Variants in GTPBP1 observed in about 807,000 individuals in gnomAD.
The protein encoded by GTPBP1 is GTP binding protein 1.
Under a neutral mutation model 62.0 loss-of-function variants are expected in GTPBP1, and 23 were observed. The observed-to-expected ratio is 0.37, with a 90% CI of 0.27 to 0.53. GTPBP1 has a LOEUF of 0.53. Ranked by LOEUF, GTPBP1 falls within the 20% of genes least tolerant of loss-of-function variation. The probability of loss-of-function intolerance (pLI) is 0.89; values close to 1 mark genes in which losing one functional copy is unlikely to be tolerated. For missense variants in GTPBP1, 640 were observed against 917.3 expected (o/e 0.70, Z 3.90); for synonymous variants, 344 against 364.4 (o/e 0.94, Z 0.64).
chr22:38,723,126 A>T, intron 5 of GTPBP1: 1 of 781,598 alleles, frequency 1.3e-6, no homozygotes, highest in South Asian at 1.4e-5. Context: ...ACAACTTCAC[A>T]GTTCACATCA....
chr22:38,735,011 C>T (rs775992156), downstream of GTPBP1: 9 of 297,178 alleles, frequency 3.0e-5, no homozygotes, highest in African/African-American at 9.0e-5. Flanking sequence ...CCCCTCTCCA[C>T]GGCCAGGAAC....
downstream of GTPBP1, chr22:38,741,595 AG>A: frequency 6.2e-7 from 1 of 1,609,920 alleles, no homozygotes; most frequent in Non-Finnish European, 8.5e-7. Flanking sequence ...GTGAGAGGAC[AG>A]GTTGGACAGA....
chr22:38,715,492 C>T (rs114756832), intron 2 of GTPBP1, among the ~76,000 whole-genome samples: 20 of 152,288 alleles, frequency 1.3e-4, no homozygotes, highest in African/African-American at 2.2e-4. Flanking sequence ...GAACTGTCCT[C>T]GGCTTCCCCA....
At chr22:38,734,165 G>T, downstream of GTPBP1, 1 of 335,158 alleles carries the variant, frequency 3.0e-6, no homozygotes, top group South Asian at 2.1e-5. Context: ...ATGAGGAGCA[G>T]CCCTGGGCCA....
chr22:38,722,723 C>G, intron 5 of GTPBP1: 2 of 1,601,632 alleles, frequency 1.2e-6, no homozygotes, highest in Non-Finnish European at 1.7e-6. Context: ...TGAGAAGGTG[C>G]AGATACACAT....
chr22:38,735,377 C>T (rs2145908848), downstream of GTPBP1: 1 of 376,968 alleles, frequency 2.7e-6, no homozygotes, highest in South Asian at 1.9e-5. Context: ...CACAAGAGCC[C>T]AGGAGTTCCA....
At chr22:38,706,194 G>A in intron 1 of GTPBP1, 47 bp downstream of exon 1, 2 of 1,167,952 alleles carry the variant, frequency 1.7e-6, no homozygotes, top group Non-Finnish European at 2.1e-6. Context: ...CGGGCGGCTG[G>A]CCGAGCAGTC....
chr22:38,710,569 A>G (rs1040302207), intron 2 of GTPBP1, among the ~76,000 whole-genome samples: 1 of 152,068 alleles, frequency 6.6e-6, no homozygotes, highest in Non-Finnish European at 1.5e-5. Context: ...AAAGGGAGAG[A>G]GTTGATTAGC....
In GTPBP1 at chr22:38,721,754, G is replaced by T; in HGVS notation, c.847G>T (p.Ala283Ser). ...DFCMLMVGSN[A>S]GIVGMTKEHL... is the part of the protein sequence containing the mutation. ...TGTGTTGGGGCAGGTGGGCAGCAAT[G>T]CTGGCATCGTGGGGATGACCAAAGA... The change falls in exon 5 of 12, where the codon GCT becomes TCT. Residue 283 changes from alanine to serine, a missense_variant. Around this residue, in one of 4 missense-constraint regions of GTPBP1, gnomAD observed 88 missense variants for 217.0 expected, o/e 0.41. Transcript: ENST00000216044. The T allele has an allele frequency of 1.2e-6, 2 of 1,612,132 alleles. No homozygotes were observed. The highest frequency in any genetic ancestry group is 4.5e-5 in the East Asian group (2 of 44,864).
rs964182742 is a variant in GTPBP1 at position 38,732,684 on chromosome 22, C to T, written c.*1980C>T. 3 of 152,284 alleles carry T rather than the reference C, an allele frequency of 2.0e-5. No homozygotes were observed. Among genetic ancestry groups the T allele is most frequent in the African/African-American group, 4.8e-5 (2 of 41,426 alleles). The allele number at this position is 152,284 out of a possible 1,614,324, so 9.4% of individuals were successfully genotyped here. The stretch of plus-strand genomic sequence containing the variant: ...CATTCCCAGCAGCCGCCCCTGAGGT[C>T]GATGTTTGTTCTGTTTTTCTTTTTC... On this transcript the variant is annotated 3_prime_UTR_variant, in exon 12 of 12. Transcript: ENST00000216044.
chr22:38,712,165 G>A (rs1053143588), intron 2 of GTPBP1, among the ~76,000 whole-genome samples: 3 of 152,126 alleles, frequency 2.0e-5, no homozygotes, highest in African/African-American at 4.8e-5. Flanking sequence ...GTGAGCCACC[G>A]TGCCCGGCCA....
downstream of GTPBP1, chr22:38,734,437 G>A (rs2092783564): frequency 5.5e-6 from 2 of 360,382 alleles, no homozygotes; most frequent in Non-Finnish European, 1.2e-5. Context: ...GTGGTACTGA[G>A]AGACAGGAAA....
downstream of GTPBP1, chr22:38,736,310 G>C: frequency 6.2e-7 from 1 of 1,614,052 alleles, no homozygotes; most frequent in South Asian, 1.1e-5. Flanking sequence ...GTAGATGCAG[G>C]TGTACTCGGG....
In GTPBP1 at chr22:38,722,937, T is replaced by C. The variant is rs551235382; in HGVS notation, c.958+1072T>C. On this transcript the variant is annotated intron_variant, in intron 5 of 11. Coordinates refer to ENST00000216044, the MANE Select transcript of GTPBP1 (RefSeq NM_004286.5). The stretch of plus-strand genomic sequence containing the variant: ...GACGCTCAAGTGCTTGATGACTCCA[T>C]TGGGGTCAGTTATGAAGAGACCTCT... 52 of 967,444 alleles carry C rather than the reference T, an allele frequency of 5.4e-5. No homozygotes were observed. The Middle Eastern group carries it at 8.3e-4, about 15-fold the overall frequency. The allele number at this position is 967,444 out of a possible 1,614,324, so 59.9% of individuals were successfully genotyped here.
At chr22:38,718,806 G>A (rs2092684641) in intron 4 of GTPBP1, among the ~76,000 whole-genome samples, 1 of 152,212 alleles carries the variant, frequency 6.6e-6, no homozygotes, top group Non-Finnish European at 1.5e-5. Context: ...CCAGTTTCCT[G>A]TGTACCTGCC....
At chr22:38,736,159 C>A (rs372361156), downstream of GTPBP1, 1 of 1,079,516 alleles carries the variant, frequency 9.3e-7, no homozygotes, top group South Asian at 1.3e-5. Context: ...CCACAGGCTC[C>A]TCTCTTGTGC....
chr22:38,727,851 G>T lies in GTPBP1; in HGVS notation c.1538-132G>T, dbSNP rs909401713. ...AGAGCCAAGAACAGGCTTCACGGGGGTCTGTAGCCCCAGAGATAAGCCCCC... is the reference window on the plus strand; with the variant it reads ...AGAGCCAAGAACAGGCTTCACGGGGTTCTGTAGCCCCAGAGATAAGCCCCC... On this transcript the variant is annotated intron_variant, in intron 9 of 11. Coordinates refer to ENST00000216044, the MANE Select transcript of GTPBP1 (RefSeq NM_004286.5). This position sits in a 1 kb window ranked among gnomAD's most constrained non-coding sequence, Gnocchi z 6.5. The T allele has an allele frequency of 3.2e-5, 21 of 647,136 alleles. No homozygotes were observed. The Admixed American group carries it at 5.2e-4, about 16-fold the overall frequency. The allele number at this position is 647,136 out of a possible 1,614,324, so 40.1% of individuals were successfully genotyped here.
chr22:38,724,862 T>C (rs1418666546), intron 6 of GTPBP1, among the ~76,000 whole-genome samples: 1 of 152,218 alleles, frequency 6.6e-6, no homozygotes, highest in East Asian at 1.9e-4. Flanking sequence ...ATCAGATCAG[T>C]TTTGGCATTT....
rs1426227409 is a variant in GTPBP1 at position 38,727,223 on chromosome 22, C to T, written c.1412C>T (p.Ser471Leu). The T allele has an allele frequency of 3.2e-6, 5 of 1,583,702 alleles. No individual in the cohort carries two copies. Among genetic ancestry groups the T allele is most frequent in the Middle Eastern group, 1.7e-4 (1 of 5,956 alleles). The change falls in exon 9 of 12, where the codon TCG (serine) becomes TTG (leucine). Residue 471 changes from serine (S) to leucine (L), a missense_variant. By Grantham distance (145) the Ser-to-Leu change is moderately radical (BLOSUM62 -2). Coordinates refer to ENST00000216044, the MANE Select transcript of GTPBP1 (RefSeq NM_004286.5). The surrounding 1 kb of genome is among the most constrained non-coding windows in gnomAD (Gnocchi z 6.5). ...CCCTCTTTCTTTCAGATCAAGCGCT[C>T]GTCCATCCGGAAGGGCATGGTGATG... ...ASFALKKIKRSSIRKGMVMVS... is the reference protein window; with the variant it reads ...ASFALKKIKRLSIRKGMVMVS...
Sources: allele counts gnomAD v4.1 joint callset (sites outside exome capture counted in the v4.1 genomes callset), GRCh38; gene constraint gnomAD v4.1.1; regional missense constraint gnomAD v4.1.1; non-coding constraint Gnocchi (gnomAD v3.1); transcripts MANE v1.5; gene names NCBI Gene and HGNC (gene_info 2026-07-23, HGNC 2026-07-21).